ZNF205: variants seen among roughly 807,000 people sequenced by gnomAD.
The protein encoded by ZNF205 is zinc finger protein 205.
In ZNF205, 32 loss-of-function variants were observed where a neutral mutation model predicts 53.6. The ratio of observed to expected loss-of-function variants is 0.60; its 90% CI spans 0.45 to 0.80. The LOEUF (loss-of-function observed/expected upper bound fraction) is 0.80, where lower values mean the gene tolerates loss of function less well. Ranked by LOEUF, ZNF205 falls within the 30% of genes least tolerant of loss-of-function variation. The probability of loss-of-function intolerance (pLI) is 0.00; values close to 1 mark genes in which losing one functional copy is unlikely to be tolerated. For missense variants in ZNF205, 836 were observed against 782.4 expected (o/e 1.07, Z -0.82); for synonymous variants, 382 against 334.3 (o/e 1.14, Z -1.56).
chr16:3,117,160 T>C (rs1379466692), intron 5 of ZNF205, among the ~76,000 whole-genome samples: 3 of 152,208 alleles, frequency 2.0e-5, no homozygotes, highest in Non-Finnish European at 4.4e-5. Context: ...GCAGCTACTG[T>C]ACTGGACGCT....
rs760350212 is a variant in ZNF205 at position 3,119,900 on chromosome 16, C to T, written c.1240C>T (p.His414Tyr). 1.2e-6 allele frequency: 2 copies of T among 1,613,592 alleles called. No homozygotes were observed. Among genetic ancestry groups the T allele is most frequent in the African/African-American group, 1.3e-5 (1 of 75,062 alleles). ...GGACTTGGTCACCCACCAGGGCACC[C>T]ACACGGGCGCCAAGCCGCACAAGTG... ...RSDLVTHQGT[H>Y]TGAKPHKCPI... The change falls in exon 7 of 7, where the codon CAC becomes TAC. Residue 414 changes from histidine to tyrosine, a missense_variant. By Grantham distance (83) the His-to-Tyr change is moderately conservative. Transcript: ENST00000219091.
intron 3 of ZNF205, 108 bp downstream of exon 3, chr16:3,115,676 C>A: frequency 1.4e-6 from 2 of 1,392,818 alleles, no homozygotes; most frequent in Non-Finnish European, 1.9e-6. Flanking sequence ...CAGCAGGGGA[C>A]GCTATCCCCC....
intron 3 of ZNF205, 92 bp downstream of exon 3, chr16:3,115,660 CTA>C (rs1957334153): frequency 7.0e-7 from 1 of 1,436,650 alleles, no homozygotes; most frequent in South Asian, 1.4e-5. Flanking sequence ...CTGAGGGTCT[CTA>C]TGCCAGCAGG....
chr16:3,119,032 C>A lies in ZNF205; in HGVS notation c.595+17C>A, dbSNP rs374062546. 7 of 1,609,806 alleles carry A rather than the reference C, an allele frequency of 4.3e-6. No individual in the cohort carries two copies. Among genetic ancestry groups the A allele is most frequent in the Non-Finnish European group, 3.4e-6 (4 of 1,178,422 alleles). The stretch of plus-strand genomic sequence containing the variant: ...CGTGCACAGGTGAGGGACGGGCGCG[C>A]GCCTTTGTCTGCGGGAGTGGGGCGC... On this transcript the variant is annotated intron_variant, in intron 6 of 6. Coordinates refer to ENST00000219091, the MANE Select transcript of ZNF205 (RefSeq NM_001042428.2).
chr16:3,120,334 G>A lies in ZNF205; in HGVS notation c.*9G>A. The A allele has an allele frequency of 1.3e-6, 2 of 1,511,990 alleles. No homozygotes were observed. The highest frequency in any genetic ancestry group is 8.8e-7 in the Non-Finnish European group (1 of 1,139,846). 93.7% of individuals were successfully genotyped at this position (1,511,990 alleles called of 1,614,324 possible). A position where few individuals can be genotyped will look rare whatever the true frequency, so the allele number is the denominator to read the frequency against. ...CACCCGCTCCCACCTAGGAGGCCAG[G>A]AAAGGGGGAGCGGGGCGCCCAGGGC... On this transcript the variant is annotated 3_prime_UTR_variant, in exon 7 of 7. Coordinates refer to ENST00000219091, the MANE Select transcript of ZNF205 (RefSeq NM_001042428.2).
At chr16:3,116,339 C>CG in intron 4 of ZNF205, 88 bp from the exon 5 acceptor site, 1 of 1,566,444 alleles carries the variant, frequency 6.4e-7, no homozygotes, top group Middle Eastern at 1.7e-4. Context: ...GTTGGGAGTC[C>CG]GGGGTCTCAC....
In ZNF205 at chr16:3,120,467, C is replaced by T. The variant is rs946569764; in HGVS notation, c.*142C>T. 6 of 1,021,484 alleles carry T rather than the reference C, an allele frequency of 5.9e-6. No individual in the cohort carries two copies. Among genetic ancestry groups the T allele is most frequent in the African/African-American group, 3.2e-5 (2 of 61,578 alleles). The allele number at this position is 1,021,484 out of a possible 1,614,324, so 63.3% of individuals were successfully genotyped here. A position where few individuals can be genotyped will look rare whatever the true frequency, so the allele number is the denominator to read the frequency against. ...GGTGAGGCATGGCGATGGGGGAGGG[C>T]GAGGGCGAGAAAGGGCAGGCACTCT... On this transcript the variant is annotated 3_prime_UTR_variant, in exon 7 of 7. Transcript: ENST00000219091.
chr16:3,115,662 A>AT (rs1957334176), intron 3 of ZNF205, 94 bp downstream of exon 3: 1 of 1,428,628 alleles, frequency 7.0e-7, no homozygotes, highest in Non-Finnish European at 9.3e-7. Flanking sequence ...GAGGGTCTCT[A>AT]TGCCAGCAGG....
At position 3,118,971 on chromosome 16, in the gene ZNF205, G is replaced by A. The variant is rs765538787; in HGVS notation, c.551G>A (p.Ser184Asn). The change falls in exon 6 of 7, where the codon AGC (serine) becomes AAC (asparagine). Residue 184 changes from serine (S) to asparagine (N), a missense_variant. Physicochemically the swap from Ser to Asn is conservative, Grantham distance 46. Transcript: ENST00000219091. ...GGCAAGGGTGAGGCCTCGGGCTCCA[G>A]CCGGCAGGCAGGAGATGAGAAGGAG... ...AHGKGEASGS[S>N]RQAGDEKEWR... The A allele has an allele frequency of 1.2e-5, 20 of 1,613,608 alleles. No homozygotes were observed. Among genetic ancestry groups the A allele is most frequent in the African/African-American group, 2.7e-5 (2 of 74,938 alleles).
Position 3,113,413 on chromosome 16 carries a change from C to G in ZNF205, c.-14-4C>G, listed in dbSNP as rs1957296184. On this transcript the variant is annotated splice_polypyrimidine_tract_variant and splice_region_variant and intron_variant, in intron 1 of 6. Coordinates refer to ENST00000219091, the MANE Select transcript of ZNF205 (RefSeq NM_001042428.2). ...GGGAGAAACAACTCAGCTGTTCTTT[C>G]TAGCTCTGAAATAGAAAATGTCTGC... 2 of 1,612,792 alleles carry G rather than the reference C, an allele frequency of 1.2e-6. No homozygotes were observed. Among genetic ancestry groups the G allele is most frequent in the East Asian group, 4.5e-5 (2 of 44,770 alleles).
rs151157054 is a variant in ZNF205 at position 3,118,960 on chromosome 16, C to G, written c.540C>G (p.Ala180=). ...CTCAAGCGCACGGCAAGGGTGAGGC[C>G]TCGGGCTCCAGCCGGCAGGCAGGAG... is the stretch of plus-strand genomic sequence containing the variant. ...WAPQAHGKGE[A]SGSSRQAGDE... is the part of the protein sequence containing the mutation. The change falls in exon 6 of 7, where the codon GCC becomes GCG. Residue 180 remains alanine (A), a synonymous_variant. Transcript: ENST00000219091. The G allele has an allele frequency of 5.1e-4, 831 of 1,613,614 alleles. 11 individuals carry two copies. In the African/African-American group the frequency reaches 8.8e-3, roughly 17 times the overall value.
intron 2 of ZNF205, 184 bp from the exon 3 acceptor site, chr16:3,115,171 C>T (rs150001391): frequency 2.3e-5 from 10 of 436,018 alleles, no homozygotes; most frequent in African/African-American, 1.6e-4. Context: ...ACTGTGGAGG[C>T]GGCTTGGTGA....
chr16:3,117,533 G>C (rs1034239475), intron 5 of ZNF205, among the ~76,000 whole-genome samples: 2 of 128,336 alleles, frequency 1.6e-5, no homozygotes, highest in East Asian at 5.1e-4. Context: ...ATGCAGCCTC[G>C]ACTTCCTGGG....
chr16:3,117,390 A>C (rs1596298632), intron 5 of ZNF205, among the ~76,000 whole-genome samples: 1 of 133,808 alleles, frequency 7.5e-6, no homozygotes, highest in Non-Finnish European at 1.6e-5. Flanking sequence ...CTTGTCTCCG[A>C]GGGGTCTTGG....
rs747663106 is a variant in ZNF205 at position 3,120,246 on chromosome 16, G to A, written c.1586G>A (p.Gly529Glu). ...CGGCACGAGAAGATCCACACCACCG[G>A]GCCCAAGGCCCTGGCCATGCTGATG... ...LHRHEKIHTT[G>E]PKALAMLMLG... The change falls in exon 7 of 7, where the codon GGG becomes GAG. Residue 529 changes from glycine to glutamate, a missense_variant. Coordinates refer to ENST00000219091, the MANE Select transcript of ZNF205 (RefSeq NM_001042428.2). 1.9e-6 allele frequency: 3 copies of A among 1,606,384 alleles called. No homozygotes were observed. The highest frequency in any genetic ancestry group is 4.5e-5 in the East Asian group (2 of 44,878).
chr16:3,115,710 C>T (rs573742992), intron 3 of ZNF205, 119 bp from the exon 4 acceptor site: 73 of 1,380,914 alleles, frequency 5.3e-5, no homozygotes, highest in Non-Finnish European at 6.7e-5. Context: ...CCCCTGGCAG[C>T]GTCAGAGCCA....
chr16:3,115,649 G>C (rs1322009535), intron 3 of ZNF205, 81 bp downstream of exon 3: 1 of 1,465,672 alleles, frequency 6.8e-7, no homozygotes, highest in Non-Finnish European at 9.1e-7. Flanking sequence ...TCCAGGTGGG[G>C]CTGAGGGTCT....
At chr16:3,118,641 G>A (rs991518302) in intron 5 of ZNF205, among the ~76,000 whole-genome samples, 1 of 152,258 alleles carries the variant, frequency 6.6e-6, no homozygotes, top group South Asian at 2.1e-4. Context: ...CCGTCCCGTG[G>A]GCGTTGATGT....
chr16:3,119,210 C>T (rs749586689), intron 6 of ZNF205, 46 bp from the exon 7 acceptor site: 3 of 1,540,378 alleles, frequency 1.9e-6, no homozygotes, highest in Non-Finnish European at 2.6e-6. Context: ...CTCCTGGGGT[C>T]CTTAGGGAAG....
Sources: gnomAD v4.1 joint callset for allele counts (sites outside exome capture counted in the v4.1 genomes callset) on GRCh38, gnomAD v4.1.1 for gene constraint, MANE v1.5 for transcripts, NCBI Gene and HGNC (gene_info 2026-07-23, HGNC 2026-07-21) for gene names.